CHRM3: variants seen among roughly 807,000 people sequenced by gnomAD.
The protein encoded by CHRM3 is cholinergic receptor muscarinic 3.
A neutral mutation model predicts 41.8 loss-of-function variants in CHRM3; 11 were observed. The observed-to-expected ratio is 0.26, with a 90% CI of 0.17 to 0.44. The LOEUF (loss-of-function observed/expected upper bound fraction) is 0.44, where lower values mean the gene tolerates loss of function less well. Among genes scored for constraint, CHRM3 ranks in the 20% least tolerant of loss-of-function variants. The probability of loss-of-function intolerance (pLI) is 1.00; values close to 1 mark genes in which losing one functional copy is unlikely to be tolerated. For missense variants in CHRM3, 571 were observed against 745.4 expected (o/e 0.77, Z 2.72); for synonymous variants, 297 against 301.4 (o/e 0.99, Z 0.15).
intron 4 of CHRM3, among the ~76,000 whole-genome samples, chr1:239,635,639 G>A (rs1022700411): frequency 2.6e-5 from 4 of 152,150 alleles, no homozygotes; most frequent in Non-Finnish European, 4.4e-5. Context: ...ACCACTTATG[G>A]ACAAAATACT....
chr1:239,658,673 A>G lies in CHRM3; in HGVS notation c.-249-19513A>G, dbSNP rs571979883. On this transcript the variant is annotated intron_variant, in intron 4 of 6. Transcript: ENST00000676153. The stretch of plus-strand genomic sequence containing the variant: ...AAGATTTTTAGCACCTAAAAGCTGA[A>G]GAGTCATGAAAAGCAACTATATACC... Among the ~76,000 whole-genome samples the G allele has an allele frequency of 4.1e-4, 62 of 152,316 alleles. 1 individual carries two copies. In the Middle Eastern group the frequency reaches 0.01, roughly 25 times the overall value.
intron 1 of CHRM3, among the ~76,000 whole-genome samples, chr1:239,438,797 C>T (rs1663473734): frequency 6.6e-6 from 1 of 152,144 alleles, no homozygotes; most frequent in Non-Finnish European, 1.5e-5. Context: ...TCAGTATATA[C>T]TATTTTTCAG....
intron 5 of CHRM3, among the ~76,000 whole-genome samples, chr1:239,679,520 A>G (rs568995351): frequency 7.2e-5 from 11 of 152,274 alleles, no homozygotes; most frequent in Middle Eastern, 3.4e-3. Flanking sequence ...TCTAATTGCA[A>G]TGTCCCAAAT....
intron 5 of CHRM3, among the ~76,000 whole-genome samples, chr1:239,744,906 A>C (rs765128066): frequency 6.6e-6 from 1 of 152,158 alleles, no homozygotes; most frequent in African/African-American, 2.4e-5. Context: ...TGAGCCTTGC[A>C]TGAGAAGGTC....
chr1:239,402,573 T>C (rs1428148551), intron 1 of CHRM3, among the ~76,000 whole-genome samples: 8 of 152,208 alleles, frequency 5.3e-5, no homozygotes, highest in African/African-American at 1.9e-4. Flanking sequence ...TTGTGGTTCT[T>C]TGGATGTGAC....
At chr1:239,656,307 A>G (rs1388642129) in intron 4 of CHRM3, among the ~76,000 whole-genome samples, 1 of 144,940 alleles carries the variant, frequency 6.9e-6, no homozygotes, top group Admixed American at 7.3e-5. Context: ...CAAATCTAAA[A>G]TTGTTTAATA....
intron 1 of CHRM3, among the ~76,000 whole-genome samples, chr1:239,490,503 A>G (rs1049322292): frequency 6.6e-6 from 1 of 152,148 alleles, no homozygotes; most frequent in African/African-American, 2.4e-5. Context: ...TATCAAGCAC[A>G]AGACCTAATG....
chr1:239,495,866 C>T (rs1667844102), intron 2 of CHRM3, among the ~76,000 whole-genome samples: 1 of 152,020 alleles, frequency 6.6e-6, no homozygotes, highest in Non-Finnish European at 1.5e-5. Context: ...CAAGCGTACT[C>T]TTTTCTAGAA....
chr1:239,908,240 A>G lies in CHRM3; in HGVS notation c.789A>G (p.Lys263=). The G allele has an allele frequency of 1.2e-6, 2 of 1,614,168 alleles. No homozygotes were observed. The highest frequency in any genetic ancestry group is 1.7e-6 in the Non-Finnish European group (2 of 1,180,038). The change falls in exon 7 of 7, where the codon AAA becomes AAG. Residue 263 remains lysine, a synonymous_variant. Transcript: ENST00000676153. This position sits in a 1 kb window ranked among gnomAD's most constrained non-coding sequence, Gnocchi z 7.2. The part of the protein sequence containing the change: ...RIYKETEKRT[K]ELAGLQASGT... ...ATAAGGAAACTGAAAAGCGTACCAA[A>G]GAGCTTGCTGGCCTGCAAGCCTCTG...
intron 1 of CHRM3, among the ~76,000 whole-genome samples, chr1:239,434,557 G>A (rs1450563742): frequency 2.6e-5 from 4 of 152,110 alleles, no homozygotes; most frequent in Non-Finnish European, 5.9e-5. Context: ...ATGGGTAGTG[G>A]CTACCTTGAG....
intron 1 of CHRM3, among the ~76,000 whole-genome samples, chr1:239,410,381 T>C (rs1279258659): frequency 2.0e-5 from 3 of 152,190 alleles, no homozygotes; most frequent in African/African-American, 7.2e-5. Flanking sequence ...ATATATACTT[T>C]AGATACTGTG....
intron 6 of CHRM3, among the ~76,000 whole-genome samples, chr1:239,837,078 A>G (rs1673386688): frequency 6.6e-6 from 1 of 152,130 alleles, no homozygotes; most frequent in Admixed American, 6.5e-5. Context: ...CATGATAAAC[A>G]GGGTTGTAAG....
intron 5 of CHRM3, among the ~76,000 whole-genome samples, chr1:239,767,739 C>A (rs1024925129): frequency 1.3e-5 from 2 of 152,078 alleles, no homozygotes; most frequent in Non-Finnish European, 2.9e-5. Context: ...TGCAAGATAC[C>A]GATTTTCTTG....
intron 1 of CHRM3, among the ~76,000 whole-genome samples, chr1:239,480,620 G>A (rs1456198302): frequency 2.2e-5 from 3 of 139,320 alleles, no homozygotes; most frequent in South Asian, 2.3e-4. Flanking sequence ...GCAGTGGCAC[G>A]ATCTTGGCTC....
intron 5 of CHRM3, among the ~76,000 whole-genome samples, chr1:239,796,238 C>T (rs1669755903): frequency 6.6e-6 from 1 of 151,988 alleles, no homozygotes; most frequent in Non-Finnish European, 1.5e-5. Flanking sequence ...GTACTCCCGT[C>T]TTTTCCATTA....
intron 1 of CHRM3, among the ~76,000 whole-genome samples, chr1:239,427,436 G>A (rs1662480092): frequency 1.3e-5 from 2 of 152,226 alleles, no homozygotes; most frequent in Admixed American, 6.5e-5. Flanking sequence ...TTGGCCGTGG[G>A]ACCTTAGCCT....
At chr1:239,590,812 T>C (rs1337991207) in intron 3 of CHRM3, among the ~76,000 whole-genome samples, 1 of 152,110 alleles carries the variant, frequency 6.6e-6, no homozygotes, top group South Asian at 2.1e-4. Flanking sequence ...TAAAACCCTA[T>C]ATTTAAATTT....
intron 2 of CHRM3, among the ~76,000 whole-genome samples, chr1:239,500,617 TA>T (rs1362477411): frequency 4.3e-4 from 61 of 141,466 alleles, no homozygotes; most frequent in East Asian, 2.7e-3. Flanking sequence ...AAAGTATAAT[TA>T]AAAAAAAATA....
chr1:239,820,439 T>C (rs1030989880), intron 5 of CHRM3, among the ~76,000 whole-genome samples: 1 of 152,206 alleles, frequency 6.6e-6, no homozygotes, highest in Admixed American at 6.5e-5. Flanking sequence ...ACTTTCGTCT[T>C]CCCTCCTGCG....
Sources: gnomAD v4.1 joint callset for allele counts (sites outside exome capture counted in the v4.1 genomes callset) on GRCh38, gnomAD v4.1.1 for gene constraint, Gnocchi (gnomAD v3.1) non-coding constraint, MANE v1.5 for transcripts, NCBI Gene and HGNC (gene_info 2026-07-23, HGNC 2026-07-21) for gene names.